The following TPD52 variants were observed in gnomAD, a reference collection of about 807,000 sequenced individuals.
The protein encoded by TPD52 is prostate and colon associated protein.
Under a neutral mutation model 31.3 loss-of-function variants are expected in TPD52, and 17 were observed. That is an observed-to-expected ratio of 0.54 (90% confidence interval 0.37 to 0.82). The LOEUF (loss-of-function observed/expected upper bound fraction) is 0.82, where lower values mean the gene tolerates loss of function less well. Among genes scored for constraint, TPD52 ranks in the 40% least tolerant of loss-of-function variants. TPD52 has a pLI of 0.00. For missense variants in TPD52, 212 were observed against 240.1 expected, an observed-to-expected ratio of 0.88 and a Z score of 0.77; for synonymous variants, 83 against 89.6, an observed-to-expected ratio of 0.93 and a Z score of 0.42.
chr8:80,162,950 A>G (rs1382399353), intron 1 of TPD52, among the ~76,000 whole-genome samples: 2 of 118,072 alleles, frequency 1.7e-5, no homozygotes, highest in Admixed American at 1.7e-4. Flanking sequence ...CAAAACAAAC[A>G]AACAAACAAA....
intron 1 of TPD52, among the ~76,000 whole-genome samples, chr8:80,168,744 A>G (rs1021551528): frequency 5.3e-5 from 8 of 152,220 alleles, no homozygotes; most frequent in Non-Finnish European, 1.0e-4. Flanking sequence ...CTCTCTGGCT[A>G]AGTTCTGCTT....
chr8:80,124,453 G>A (rs1198764236), intron 1 of TPD52, among the ~76,000 whole-genome samples: 3 of 152,134 alleles, frequency 2.0e-5, no homozygotes, highest in Admixed American at 6.5e-5. Context: ...GATTACAGAT[G>A]TGAGCCACCC....
chr8:80,032,514 G>A (rs1033858036), downstream of TPD52, among the ~76,000 whole-genome samples: 2 of 152,118 alleles, frequency 1.3e-5, no homozygotes, highest in African/African-American at 4.8e-5. Context: ...GGCCAGCCTG[G>A]GCAACACAGT....
chr8:80,091,861 T>G (rs2130885770), intron 1 of TPD52, among the ~76,000 whole-genome samples: 1 of 152,338 alleles, frequency 6.6e-6, no homozygotes, highest in Admixed American at 6.5e-5. Flanking sequence ...TGATTTCTGA[T>G]GCTGCAAGTC....
intron 1 of TPD52, among the ~76,000 whole-genome samples, chr8:80,146,275 G>A (rs1586391346): frequency 6.6e-6 from 1 of 152,252 alleles, no homozygotes; most frequent in Admixed American, 6.5e-5. Context: ...ACCTAAGTGA[G>A]CCATTGTTGC....
intron 1 of TPD52, among the ~76,000 whole-genome samples, chr8:80,127,110 C>CAAA (rs111448600): frequency 1.0e-3 from 139 of 134,266 alleles, no homozygotes; most frequent in African/African-American, 3.3e-3. Flanking sequence ...GATGATGTCT[C>CAAA]AAAAAAAAAA....
At chr8:80,147,811 C>A (rs1346916356) in intron 1 of TPD52, among the ~76,000 whole-genome samples, 1 of 151,830 alleles carries the variant, frequency 6.6e-6, no homozygotes, top group East Asian at 1.9e-4. Context: ...GGAAAATGTG[C>A]ACACACACAT....
chr8:80,057,308 A>C (rs114063719), intron 2 of TPD52, among the ~76,000 whole-genome samples: 2,089 of 152,350 alleles, frequency 0.014, 61 homozygotes, highest in African/African-American at 0.048. Context: ...AAAGAACTTA[A>C]TACAGAGCTA....
Position 80,062,328 on chromosome 8 carries a change from T to C in TPD52, c.135+2150A>G, listed in dbSNP as rs1361774452. Among the ~76,000 whole-genome samples the C allele has an allele frequency of 3.3e-5, 5 of 152,212 alleles. No homozygotes were observed. The East Asian group carries it at 9.6e-4, about 29-fold the overall frequency. On this transcript the variant is annotated intron_variant, in intron 2 of 7. Transcript: ENST00000518937. ...GCCACGAGCATTCACTGGGGAAAAC[T>C]AGCCACATGCAAAAGAATGAAGTTA...
At position 80,065,135 on chromosome 8, in the gene TPD52, CT is replaced by C. The variant is rs199748248; in HGVS notation, c.20-543del. Among the ~76,000 whole-genome samples the C allele has an allele frequency of 6.0e-3, 913 of 151,814 alleles. 6 individuals are homozygous for C. Among genetic ancestry groups the C allele is most frequent in the African/African-American group, 0.02 (845 of 41,362 alleles). On this transcript the variant is annotated intron_variant, in intron 1 of 7. Coordinates refer to ENST00000518937, the MANE Select transcript of TPD52 (RefSeq NM_001025253.3). ...GGCAGAAAACATCTTCTTGTAAGTT[CT>C]TTTTTTGTTGTTTGTTTGTTTGTTT...
chr8:80,161,930 T>C (rs558327565), intron 1 of TPD52, among the ~76,000 whole-genome samples: 15 of 152,218 alleles, frequency 9.9e-5, no homozygotes, highest in Non-Finnish European at 1.9e-4. Context: ...GGTTTCGCTA[T>C]GTTGGCCAGG....
intron 1 of TPD52, chr8:80,080,440 T>C (rs1815140528): frequency 1.2e-6 from 2 of 1,614,160 alleles, no homozygotes; most frequent in Non-Finnish European, 1.7e-6. Context: ...TAAGTCCATC[T>C]CTCTACAATC....
At chr8:80,041,573 T>C (rs1006120352) in intron 7 of TPD52, among the ~76,000 whole-genome samples, 3 of 152,154 alleles carry the variant, frequency 2.0e-5, no homozygotes, top group African/African-American at 4.8e-5. Context: ...ACTTTTGAGG[T>C]TGCCTGTGAT....
chr8:80,165,348 A>G (rs569714896), intron 1 of TPD52, among the ~76,000 whole-genome samples: 1 of 152,344 alleles, frequency 6.6e-6, no homozygotes, highest in African/African-American at 2.4e-5. Context: ...TTCTTCCTAC[A>G]GACACACTGG....
At chr8:80,147,321 G>T (rs547603672) in intron 1 of TPD52, among the ~76,000 whole-genome samples, 1 of 152,104 alleles carries the variant, frequency 6.6e-6, no homozygotes, top group Non-Finnish European at 1.5e-5. Flanking sequence ...CCTCGCTGAC[G>T]GGATAGGAGA....
chr8:80,134,610 A>G (rs1042676923), intron 1 of TPD52, among the ~76,000 whole-genome samples: 1 of 152,344 alleles, frequency 6.6e-6, no homozygotes, highest in East Asian at 1.9e-4. Flanking sequence ...CCTTGGCATT[A>G]CTAATGTCTC....
intron 7 of TPD52, among the ~76,000 whole-genome samples, chr8:80,040,852 CTT>C (rs1269306867): frequency 1.3e-5 from 2 of 152,128 alleles, no homozygotes; most frequent in Non-Finnish European, 2.9e-5. Context: ...AAGAATGACT[CTT>C]ATATATATTG....
intron 2 of TPD52, among the ~76,000 whole-genome samples, chr8:80,061,669 G>A (rs913326995): frequency 1.6e-4 from 25 of 152,068 alleles, no homozygotes; most frequent in African/African-American, 4.8e-4. Flanking sequence ...GGGTGACAGA[G>A]CAATACCTGT....
chr8:80,091,512 C>T (rs1485593404), intron 1 of TPD52, among the ~76,000 whole-genome samples: 1 of 151,846 alleles, frequency 6.6e-6, no homozygotes, highest in East Asian at 1.9e-4. Context: ...ATTTTCACTT[C>T]GGTCATCTCA....
Sources: allele counts gnomAD v4.1 joint callset (sites outside exome capture counted in the v4.1 genomes callset), GRCh38; gene constraint gnomAD v4.1.1; transcripts MANE v1.5; gene names NCBI Gene and HGNC (gene_info 2026-07-23, HGNC 2026-07-21).